Variants in CD74 observed in about 807,000 individuals in gnomAD.
CD74 encodes the protein CD74 molecule.
A neutral mutation model predicts 37.1 loss-of-function variants in CD74; 20 were observed. The ratio of observed to expected loss-of-function variants is 0.54; its 90% CI spans 0.38 to 0.78. The LOEUF is 0.78. Among genes scored for constraint, CD74 ranks in the 30% least tolerant of loss-of-function variants. The pLI is 0.00. For missense variants in CD74, 338 were observed against 389.5 expected, an observed-to-expected ratio of 0.87 and a Z score of 1.11; for synonymous variants, 150 against 152.0, an observed-to-expected ratio of 0.99 and a Z score of 0.10.
At chr5:150,405,228 C>T in intron 4 of CD74, 48 bp from the exon 5 acceptor site, 2 of 1,543,048 alleles carry the variant, frequency 1.3e-6, no homozygotes, top group South Asian at 2.5e-5. Flanking sequence ...AGCTCCCTGG[C>T]AGGCAGTGTG....
At position 150,406,304 on chromosome 5, in the gene CD74, G is replaced by A. The variant is rs1450941091; in HGVS notation, c.396C>T (p.Thr132=). The A allele has an allele frequency of 1.5e-5, 25 of 1,613,556 alleles. No individual in the cohort carries two copies. Among genetic ancestry groups the A allele is most frequent in the Non-Finnish European group, 2.0e-5 (24 of 1,179,698 alleles). Residue 132 remains threonine, a synonymous_variant, in exon 4 of 9, where the codon ACC becomes ACT. Coordinates refer to ENST00000009530, the MANE Select transcript of CD74 (RefSeq NM_001025159.3). ...ALPQGPMQNA[T]KYGNMTEDHV... is the part of the protein sequence containing the mutation. ...GGTCCTCTGTCATGTTGCCATACTT[G>A]GTGGCATTCTGCATGGGCTGTGGGA...
intron 4 of CD74, chr5:150,405,426 A>T: frequency 8.0e-7 from 1 of 1,247,800 alleles, no homozygotes. Context: ...AGCTCTACCA[A>T]CAAGCCCCAG....
chr5:150,408,257 A>G (rs541414808), intron 1 of CD74, among the ~76,000 whole-genome samples: 6 of 152,260 alleles, frequency 3.9e-5, no homozygotes, highest in African/African-American at 1.4e-4. Context: ...CCACCTGGGA[A>G]GAAGTGGGGC....
At chr5:150,412,300 G>C (rs1770388898) in intron 1 of CD74, among the ~76,000 whole-genome samples, 1 of 152,326 alleles carries the variant, frequency 6.6e-6, no homozygotes. Context: ...TCACAGCCCA[G>C]CTTTAGTGGG....
rs1294577660 is a variant in CD74 at position 150,407,406 on chromosome 5, A to G, written c.126-82T>C. ...GGGCTGGCTAGGAATGGGGAAATGT[A>G]TACCCCCATCTCCATTAGACCCCTA... is the stretch of plus-strand genomic sequence containing the variant. On this transcript the variant is annotated intron_variant, in intron 1 of 8. Coordinates refer to ENST00000009530, the MANE Select transcript of CD74 (RefSeq NM_001025159.3). The surrounding 1 kb of genome is among the most constrained non-coding windows in gnomAD (Gnocchi z 4.4). 2.6e-6 allele frequency: 3 copies of G among 1,162,372 alleles called. No individual in the cohort carries two copies. The highest frequency in any genetic ancestry group is 1.4e-5 in the South Asian group (1 of 69,190). 72.0% of individuals were successfully genotyped at this position (1,162,372 alleles called of 1,614,324 possible). A position where few individuals can be genotyped will look rare whatever the true frequency, so the allele number is the denominator to read the frequency against.
chr5:150,402,446 C>A lies in CD74; in HGVS notation c.880+117G>T, dbSNP rs1004089669. 1.0e-6 allele frequency: 1 copy of A among 983,530 alleles called. No individual in the cohort carries two copies. Among genetic ancestry groups the A allele is most frequent in the Non-Finnish European group, 1.6e-6 (1 of 608,778 alleles). The allele number at this position is 983,530 out of a possible 1,614,324, so 60.9% of individuals were successfully genotyped here. On this transcript the variant is annotated intron_variant, in intron 8 of 8. Coordinates refer to ENST00000009530, the MANE Select transcript of CD74 (RefSeq NM_001025159.3). The surrounding 1 kb of genome is among the most constrained non-coding windows in gnomAD (Gnocchi z 4.2). ...CCTGTTCCTTCGTCTGTGAAATGGACATCCCAGGAATGTTGGAGAGTGGCC... is the reference window on the plus strand; with the variant it reads ...CCTGTTCCTTCGTCTGTGAAATGGAAATCCCAGGAATGTTGGAGAGTGGCC...
At chr5:150,409,718 A>C (rs1367933922) in intron 1 of CD74, among the ~76,000 whole-genome samples, 5 of 150,730 alleles carry the variant, frequency 3.3e-5, no homozygotes, top group South Asian at 2.1e-4. Flanking sequence ...AAAAAAAAAA[A>C]AAAACAAGAA....
chr5:150,412,075 A>G (rs1458400222), intron 1 of CD74, among the ~76,000 whole-genome samples: 2 of 152,142 alleles, frequency 1.3e-5, no homozygotes, highest in African/African-American at 2.4e-5. Context: ...AGTGATTCTC[A>G]TGTCTCAACC....
At chr5:150,410,679 TAAA>T (rs753661401) in intron 1 of CD74, among the ~76,000 whole-genome samples, 26 of 110,310 alleles carry the variant, frequency 2.4e-4, no homozygotes, top group Non-Finnish European at 2.1e-4. Flanking sequence ...CTTCTGCAAT[TAAA>T]AAAAAAAAAA....
rs568576581 is a variant in CD74, at chr5:150,407,793, G to A, written c.126-469C>T. 2.0e-4 allele frequency among the ~76,000 whole-genome samples: 30 copies of A among 152,142 alleles called. No homozygotes were observed. The South Asian group carries it at 5.0e-3, about 25-fold the overall frequency. The stretch of plus-strand genomic sequence containing the variant: ...TTTTGAGACGGAGTCTTGCTCTGTC[G>A]CCCAGGCTGGAGTGCAGTGGCGCGA... On this transcript the variant is annotated intron_variant, in intron 1 of 8. Transcript: ENST00000009530. The surrounding 1 kb of genome is among the most constrained non-coding windows in gnomAD (Gnocchi z 4.4).
At chr5:150,412,103 T>G (rs569445157) in intron 1 of CD74, among the ~76,000 whole-genome samples, 1 of 152,246 alleles carries the variant, frequency 6.6e-6, no homozygotes, top group African/African-American at 2.4e-5. Flanking sequence ...TAGGTGGGAT[T>G]ACAGGTGTAC....
In CD74 at chr5:150,403,251, C is replaced by A. The variant is rs2151170089; in HGVS notation, c.687G>T (p.Arg229Ser). ...AGTTGCCGTTCTCGTCGCACTTGGG[C>A]CTGAATGAACCCGGGTGGACAGCAG... ...HIPAVHPGSF[R>S]PKCDENGNYL... The change falls in exon 7 of 9, where the codon AGG (arginine) becomes AGT (serine). Residue 229 changes from arginine to serine, a missense_variant. Physicochemically the swap from Arg to Ser is moderately radical, Grantham distance 110. Coordinates refer to ENST00000009530, the MANE Select transcript of CD74 (RefSeq NM_001025159.3). The surrounding 1 kb of genome is among the most constrained non-coding windows in gnomAD (Gnocchi z 4.5). 6.2e-7 allele frequency: 1 copy of A among 1,614,008 alleles called. No homozygotes were observed.
intron 3 of CD74, 168 bp downstream of exon 3, chr5:150,406,713 G>A (rs1769981522): frequency 3.4e-6 from 2 of 591,436 alleles, no homozygotes; most frequent in East Asian, 5.6e-5. Flanking sequence ...CTTCACCTGT[G>A]CCCTCCACAC....
At chr5:150,409,768 T>TTTTGTTTG (rs113697647) in intron 1 of CD74, among the ~76,000 whole-genome samples, 202 of 147,582 alleles carry the variant, frequency 1.4e-3, no homozygotes, top group South Asian at 7.7e-3. Context: ...TCTGGGTGTT[T>TTTTGTTTG]TTTGTTTGTT....
In CD74 at chr5:150,412,682, A is replaced by C; in HGVS notation, c.68T>G (p.Leu23Arg). 6.2e-7 allele frequency: 1 copy of C among 1,614,042 alleles called. No homozygotes were observed. Among genetic ancestry groups the C allele is most frequent in the Non-Finnish European group, 8.5e-7 (1 of 1,179,998 alleles). ...QKPVMDDQRD[L>R]ISNNEQLPML... ...GGGCAGTTGCTCATTGTTGGAGATAAGGTCGCGCTGGTCATCCATGACTGG... is the reference window on the plus strand; with the variant it reads ...GGGCAGTTGCTCATTGTTGGAGATACGGTCGCGCTGGTCATCCATGACTGG... Residue 23 changes from leucine (L) to arginine (R), a missense_variant, in exon 1 of 9, where the codon CTT becomes CGT. Physicochemically the swap from Leu to Arg is moderately radical, Grantham distance 102 (BLOSUM62 -2). Transcript: ENST00000009530.
rs1769772382 is a variant in CD74, at chr5:150,403,627, G to A, written c.626-315C>T. On this transcript the variant is annotated intron_variant, in intron 6 of 8. Transcript: ENST00000009530. This position sits in a 1 kb window ranked among gnomAD's most constrained non-coding sequence, Gnocchi z 4.5. Reference sequence around the variant, plus strand: ...TAATCTTAGCACTTTGGGAGGCCGAGGTGGGCGGATCACTTGAGGTCAGGA... The same window carrying A: ...TAATCTTAGCACTTTGGGAGGCCGAAGTGGGCGGATCACTTGAGGTCAGGA... Among the ~76,000 whole-genome samples the A allele has an allele frequency of 6.6e-6, 1 of 152,214 alleles. No homozygotes were observed. Among genetic ancestry groups the A allele is most frequent in the Admixed American group, 6.5e-5 (1 of 15,284 alleles).
chr5:150,404,555 G>A (rs939804889), intron 6 of CD74, 125 bp downstream of exon 6: 7 of 623,806 alleles, frequency 1.1e-5, no homozygotes, highest in Admixed American at 8.0e-5. Context: ...AGAAGTGAGA[G>A]CTGAGAGGAT....
At chr5:150,412,218 G>C (rs1400498080) in intron 1 of CD74, among the ~76,000 whole-genome samples, 1 of 152,258 alleles carries the variant, frequency 6.6e-6, no homozygotes, top group African/African-American at 2.4e-5. Flanking sequence ...GCCCGCCTCA[G>C]CCTCCCAAAG....
In CD74 at chr5:150,405,072, G is replaced by A. The variant is rs778425225; in HGVS notation, c.537+13C>T. 2 of 1,610,886 alleles carry A rather than the reference G, an allele frequency of 1.2e-6. No individual in the cohort carries two copies. The highest frequency in any genetic ancestry group is 1.7e-6 in the Non-Finnish European group (2 of 1,177,532). ...AGGAAAGAGAGAGTTCCCATGCAGG[G>A]AAACCTGCTGACCTTCCAGTCTATG... On this transcript the variant is annotated intron_variant, in intron 5 of 8. Transcript: ENST00000009530.
Sources: gnomAD v4.1 joint callset for allele counts (sites outside exome capture counted in the v4.1 genomes callset) on GRCh38, gnomAD v4.1.1 for gene constraint, Gnocchi (gnomAD v3.1) non-coding constraint, MANE v1.5 for transcripts, NCBI Gene and HGNC (gene_info 2026-07-23, HGNC 2026-07-21) for gene names.